The following AGAP5 variants were observed in gnomAD, a reference collection of about 807,000 sequenced individuals.
AGAP5 encodes the protein arf-GAP with GTPase, ANK repeat and PH domain-containing protein 5.
A neutral mutation model predicts 27.7 loss-of-function variants in AGAP5; 8 were observed. That is an observed-to-expected ratio of 0.29 (90% CI 0.17 to 0.52). AGAP5 has a LOEUF of 0.52. AGAP5 is among the 20% of genes least tolerant of loss of function. The pLI is 0.97. For missense variants in AGAP5, 285 were observed against 880.8 expected, an observed-to-expected ratio of 0.32 and a Z score of 8.56; for synonymous variants, 111 against 338.0, an observed-to-expected ratio of 0.33 and a Z score of 7.37.
At chr10:73,686,516 A>G in intron 4 of AGAP5, among the ~76,000 whole-genome samples, 1 of 152,228 alleles carries the variant, frequency 6.6e-6, no homozygotes. Flanking sequence ...CATGACCAAG[A>G]ACACAAAAGC....
intron 4 of AGAP5, among the ~76,000 whole-genome samples, chr10:73,688,694 T>A (rs1334050039): frequency 2.0e-5 from 3 of 151,654 alleles, no homozygotes; most frequent in Non-Finnish European, 4.4e-5. Context: ...ATAACAAGAC[T>A]ATCAGTAAAA....
rs533750040 is a variant in AGAP5 at position 73,685,744 on chromosome 10, G to A, written c.397-2950C>T. Among the ~76,000 whole-genome samples, 46 of 151,936 alleles carry A rather than the reference G, an allele frequency of 3.0e-4. 1 individual carries two copies. The highest frequency in any genetic ancestry group is 3.0e-3 in the Admixed American group (46 of 15,268). The stretch of plus-strand genomic sequence containing the variant: ...ACTTTTGTATTTTTAGTAGAGATGG[G>A]GTTTCACCATGTTGGCCTGGCTGGT... On this transcript the variant is annotated intron_variant, in intron 4 of 7. Coordinates refer to ENST00000374094, the MANE Select transcript of AGAP5 (RefSeq NM_001144000.4).
intron 4 of AGAP5, among the ~76,000 whole-genome samples, chr10:73,689,891 C>A (rs1195880837): frequency 6.6e-6 from 1 of 150,436 alleles, no homozygotes; most frequent in African/African-American, 2.4e-5. Context: ...CCAGCCGCCC[C>A]GTCCGGGAGG....
chr10:73,697,785 T>C lies in AGAP5; in HGVS notation c.-30A>G. 1 of 1,596,938 alleles carries C rather than the reference T, an allele frequency of 6.3e-7. No homozygotes were observed. Among genetic ancestry groups the C allele is most frequent in the Non-Finnish European group, 8.5e-7 (1 of 1,179,412 alleles). ...CGCCTCTACTGTCTGCCACCACCTG[T>C]GCCTCTGCTCACAGCTTTGGCCACA... On this transcript the variant is annotated 5_prime_UTR_variant, in exon 1 of 8. Coordinates refer to ENST00000374094, the MANE Select transcript of AGAP5 (RefSeq NM_001144000.4).
At chr10:73,690,605 TTA>T (rs546520146) in intron 4 of AGAP5, among the ~76,000 whole-genome samples, 20,796 of 80,318 alleles carry the variant, frequency 0.26, 1,686 homozygotes, top group Middle Eastern at 0.32. Context: ...GAATGATCAA[TTA>T]AAAAAAAAAA....
chr10:73,690,623 AAAG>A (rs1262464104), intron 4 of AGAP5, among the ~76,000 whole-genome samples: 4 of 151,852 alleles, frequency 2.6e-5, no homozygotes, highest in African/African-American at 9.7e-5. Context: ...AAAAAAAAAA[AAAG>A]AGCACAACTG....
rs772826195 is a variant in AGAP5, at chr10:73,697,525, C to T, written c.223+8G>A. ...ACCGAGGGTAGATGGCACCTATCAC[C>T]TCCTTACCTTCAGGCATCTCCTGGT... On this transcript the variant is annotated splice_region_variant and intron_variant, in intron 1 of 7. Transcript: ENST00000374094. 10 of 1,612,354 alleles carry T rather than the reference C, an allele frequency of 6.2e-6. No homozygotes were observed. The South Asian group carries it at 1.1e-4, about 18-fold the overall frequency.
rs542959799 is a variant in AGAP5, at chr10:73,689,115, TGCCTGCGATTGCAGGCGCGC to T, written c.396+2908_396+2927del. 3.5e-3 allele frequency among the ~76,000 whole-genome samples: 531 copies of T among 152,336 alleles called. 3 individuals carry two copies. Among genetic ancestry groups the T allele is most frequent in the African/African-American group, 0.011 (451 of 41,574 alleles). On this transcript the variant is annotated intron_variant, in intron 4 of 7. Coordinates refer to ENST00000374094, the MANE Select transcript of AGAP5 (RefSeq NM_001144000.4). ...GATTCTCCTGCTTCAGCCTGCCGAG[TGCCTGCGATTGCAGGCGCGC>T]GCCGCCACGCCTGACTGGTGTTCGT... is the stretch of plus-strand genomic sequence containing the variant.
At chr10:73,676,563 G>T (rs1458422531) in intron 7 of AGAP5, among the ~76,000 whole-genome samples, 156 bp downstream of exon 7, 1 of 143,538 alleles carries the variant, frequency 7.0e-6, no homozygotes, top group African/African-American at 2.6e-5. Flanking sequence ...CAGAGCTGCA[G>T]ATCAGTTCTT....
At position 73,678,313 on chromosome 10, in the gene AGAP5, T is replaced by C. The variant is rs373528823; in HGVS notation, c.534-1543A>G. Among the ~76,000 whole-genome samples, 203 of 151,968 alleles carry C rather than the reference T, an allele frequency of 1.3e-3. 3 individuals carry two copies. The South Asian group carries it at 0.04, about 30-fold the overall frequency. On this transcript the variant is annotated intron_variant, in intron 6 of 7. Coordinates refer to ENST00000374094, the MANE Select transcript of AGAP5 (RefSeq NM_001144000.4). Reference sequence around the variant, plus strand: ...CAGGAGCCTGAGGTGAGAGGATTGCTTGAGCTGAGATCATGCCAATGCACT... The same window carrying C: ...CAGGAGCCTGAGGTGAGAGGATTGCCTGAGCTGAGATCATGCCAATGCACT...
intron 4 of AGAP5, among the ~76,000 whole-genome samples, chr10:73,691,318 A>G (rs1008073482): frequency 5.3e-5 from 8 of 152,190 alleles, no homozygotes. Flanking sequence ...TACTGATTTA[A>G]TTAAAAAGTG....
Position 73,698,030 on chromosome 10 carries a change from A to C in AGAP5, c.-275T>G. ...GGCTTATTTAATAGGTTGTGAACCC[A>C]ACAAGCGCTGAGAGACACAACAACT... is the stretch of plus-strand genomic sequence containing the variant. On this transcript the variant is annotated 5_prime_UTR_variant, in exon 1 of 8. Transcript: ENST00000374094. 7.1e-7 allele frequency: 1 copy of C among 1,412,846 alleles called. No individual in the cohort carries two copies. The highest frequency in any genetic ancestry group is 9.2e-7 in the Non-Finnish European group (1 of 1,084,366). 87.5% of individuals were successfully genotyped at this position (1,412,846 alleles called of 1,614,324 possible). A position where few individuals can be genotyped will look rare whatever the true frequency, so the allele number is the denominator to read the frequency against.
rs200625197 is a variant in AGAP5, at chr10:73,674,742, C to T, written c.1918G>A (p.Ala640Thr). Residue 640 changes from alanine to threonine, a missense_variant, in exon 8 of 8, where the codon GCA (alanine) becomes ACA (threonine). Transcript: ENST00000374094. The stretch of plus-strand genomic sequence containing the variant: ...ACCCCGTACCAGATCAGGAGCTGTG[C>T]CAGGACCACATTCCCCTTGCGGCAG... ...LACRKGNVVL[A>T]QLLIWYGVDV... The T allele has an allele frequency of 5.0e-6, 8 of 1,611,994 alleles. No homozygotes were observed. The Admixed American group carries it at 1.0e-4, about 20-fold the overall frequency.
intron 4 of AGAP5, among the ~76,000 whole-genome samples, chr10:73,689,256 C>CG (rs2132454023): frequency 6.6e-6 from 1 of 152,370 alleles, no homozygotes; most frequent in South Asian, 2.1e-4. Flanking sequence ...CCCGAGGTGC[C>CG]GGGATTGCAG....
At chr10:73,694,835 G>A (rs373945952) in intron 2 of AGAP5, 31 bp from the exon 3 acceptor site, 1 of 1,597,274 alleles carries the variant, frequency 6.3e-7, no homozygotes, top group African/African-American at 1.3e-5. Context: ...AAGAAAAAAA[G>A]ATGTAATCAT....
At chr10:73,681,587 G>C (rs796947077) in intron 5 of AGAP5, 1 of 931,588 alleles carries the variant, frequency 1.1e-6, no homozygotes, top group African/African-American at 1.8e-5. Flanking sequence ...ACTTGCTGGT[G>C]GCAAATTAAA....
At chr10:73,694,262 G>C (rs1296741546) in intron 3 of AGAP5, among the ~76,000 whole-genome samples, 2 of 152,162 alleles carry the variant, frequency 1.3e-5, no homozygotes, top group Non-Finnish European at 2.9e-5. Flanking sequence ...AAATGAATGT[G>C]GTCAGAGGTC....
Position 73,676,090 on chromosome 10 carries a change from G to A in AGAP5, c.586-16C>T, listed in dbSNP as rs780991516. On this transcript the variant is annotated splice_polypyrimidine_tract_variant and intron_variant, in intron 7 of 7. Coordinates refer to ENST00000374094, the MANE Select transcript of AGAP5 (RefSeq NM_001144000.4). Reference sequence around the variant, plus strand: ...CGGTGGAAACCTGTGTGGAACAGAAGGAGGAATGGCTTCAAAAATTGGGTA... The same window carrying A: ...CGGTGGAAACCTGTGTGGAACAGAAAGAGGAATGGCTTCAAAAATTGGGTA... 2 of 1,606,536 alleles carry A rather than the reference G, an allele frequency of 1.2e-6. 1 individual carries two copies. The highest frequency in any genetic ancestry group is 4.5e-5 in the East Asian group (2 of 44,810).
chr10:73,693,817 C>T (rs1452248539), intron 3 of AGAP5, among the ~76,000 whole-genome samples: 2 of 152,094 alleles, frequency 1.3e-5, no homozygotes, highest in African/African-American at 4.8e-5. Flanking sequence ...TTTGCTGAGG[C>T]CCTCACCAGA....
Sources: allele counts gnomAD v4.1 joint callset (sites outside exome capture counted in the v4.1 genomes callset), GRCh38; gene constraint gnomAD v4.1.1; transcripts MANE v1.5; gene names NCBI Gene and HGNC (gene_info 2026-07-23, HGNC 2026-07-21).